The following SMPDL3B variants were observed in gnomAD, a reference collection of about 807,000 sequenced individuals.
The protein encoded by SMPDL3B is sphingomyelin phosphodiesterase acid like 3B.
In SMPDL3B, 31 loss-of-function variants were observed where a neutral mutation model predicts 37.9. The observed-to-expected ratio is 0.82, with a 90% confidence interval of 0.61 to 1.10. The LOEUF is 1.10. Ranked by LOEUF, SMPDL3B falls within the 50% of genes least tolerant of loss-of-function variation. SMPDL3B has a pLI of 0.00. For synonymous variants in SMPDL3B, 235 were observed against 242.6 expected, an observed-to-expected ratio of 0.97 and a Z score of 0.29; for missense variants, 525 against 597.8, an observed-to-expected ratio of 0.88 and a Z score of 1.27.
chr1:27,949,816 GC>G (rs1354605181), intron 3 of SMPDL3B, among the ~76,000 whole-genome samples: 3 of 151,712 alleles, frequency 2.0e-5, no homozygotes, highest in Admixed American at 1.3e-4. Context: ...GCAGCCCATA[GC>G]CCCCACCCCC....
intron 3 of SMPDL3B, among the ~76,000 whole-genome samples, chr1:27,950,769 C>T (rs1180898784): frequency 6.6e-6 from 1 of 152,144 alleles, no homozygotes; most frequent in Non-Finnish European, 1.5e-5. Context: ...TAGCTGGACT[C>T]TAGGCATCCA....
intron 1 of SMPDL3B, among the ~76,000 whole-genome samples, chr1:27,935,799 C>T (rs1242599755): frequency 6.6e-6 from 1 of 152,166 alleles, no homozygotes; most frequent in Admixed American, 6.5e-5. Context: ...AGGTGACACT[C>T]AAGTGGAGCC....
chr1:27,944,059 GT>G (rs1218856046), intron 1 of SMPDL3B, among the ~76,000 whole-genome samples: 1 of 151,152 alleles, frequency 6.6e-6, no homozygotes, highest in Non-Finnish European at 1.5e-5. Flanking sequence ...GCCGTGTTGG[GT>G]TCGCATGAGA....
intron 7 of SMPDL3B, among the ~76,000 whole-genome samples, chr1:27,956,807 G>C (rs1638297540): frequency 6.6e-6 from 1 of 152,174 alleles, no homozygotes; most frequent in Non-Finnish European, 1.5e-5. Flanking sequence ...AATCAAAACA[G>C]TGAGGCGACA....
intron 3 of SMPDL3B, among the ~76,000 whole-genome samples, chr1:27,952,976 A>C (rs1311711141): frequency 6.6e-6 from 1 of 152,200 alleles, no homozygotes; most frequent in Non-Finnish European, 1.5e-5. Context: ...TCTAACTAGG[A>C]AACTTTCTGC....
intron 4 of SMPDL3B, 82 bp downstream of exon 4, chr1:27,953,440 T>A (rs2090471765): frequency 8.1e-7 from 1 of 1,241,322 alleles, no homozygotes; most frequent in East Asian, 2.4e-5. Flanking sequence ...CCTCTTAGAA[T>A]AAGTACTGAT....
intron 1 of SMPDL3B, among the ~76,000 whole-genome samples, chr1:27,938,664 C>T (rs958245658): frequency 2.0e-5 from 3 of 152,184 alleles, no homozygotes; most frequent in Non-Finnish European, 2.9e-5. Flanking sequence ...TATGATGGGG[C>T]GAAAGCCTTA....
intron 1 of SMPDL3B, among the ~76,000 whole-genome samples, chr1:27,944,102 T>G (rs1468460019): frequency 6.6e-6 from 1 of 151,988 alleles, no homozygotes; most frequent in Admixed American, 6.6e-5. Context: ...TTCTTTGGAT[T>G]CCTTTCTCTT....
intron 1 of SMPDL3B, among the ~76,000 whole-genome samples, chr1:27,937,074 G>A (rs2090316196): frequency 6.6e-6 from 1 of 152,190 alleles, no homozygotes; most frequent in South Asian, 2.1e-4. Flanking sequence ...CGCAGCACCT[G>A]TAAGGTTTTT....
chr1:27,949,131 C>T lies in SMPDL3B; in HGVS notation c.342C>T (p.Arg114=). The change falls in exon 3 of 8, where the codon CGC becomes CGT. Residue 114 remains arginine, a synonymous_variant. Transcript: ENST00000373894. The stretch of plus-strand genomic sequence containing the variant: ...CAGCTGTACTGGAAATTGTGGAACG[C>T]CTGACCAAGCTCATCAGAGAGGTCT... ...GEAAVLEIVE[R]LTKLIREVFP... 1 of 1,614,228 alleles carries T rather than the reference C, an allele frequency of 6.2e-7. No homozygotes were observed. Among genetic ancestry groups the T allele is most frequent in the Non-Finnish European group, 8.5e-7 (1 of 1,180,032 alleles).
Position 27,949,135 on chromosome 1 carries a change from A to C in SMPDL3B, c.346A>C (p.Thr116Pro). ...AAVLEIVERL[T>P]KLIREVFPDT... Reference sequence around the variant, plus strand: ...TGTACTGGAAATTGTGGAACGCCTGACCAAGCTCATCAGAGAGGTCTTTCC... The same window carrying C: ...TGTACTGGAAATTGTGGAACGCCTGCCCAAGCTCATCAGAGAGGTCTTTCC... Residue 116 changes from threonine (T) to proline (P), a missense_variant, in exon 3 of 8, where the codon ACC becomes CCC. Thr to Pro is a conservative substitution (Grantham distance 38). Transcript: ENST00000373894. 1.2e-6 allele frequency: 2 copies of C among 1,614,226 alleles called. No individual in the cohort carries two copies. The highest frequency in any genetic ancestry group is 1.7e-6 in the Non-Finnish European group (2 of 1,180,024).
Position 27,955,498 on chromosome 1 carries a change from G to A in SMPDL3B, c.691-186G>A, listed in dbSNP as rs373883287. On this transcript the variant is annotated intron_variant, in intron 5 of 7. Coordinates refer to ENST00000373894, the MANE Select transcript of SMPDL3B (RefSeq NM_014474.4). Reference sequence around the variant, plus strand: ...CAGGTGGCAGGCACAGAGGTGGGAAGGTATGTGGTGCATTCATTGCAGGGC... The same window carrying A: ...CAGGTGGCAGGCACAGAGGTGGGAAAGTATGTGGTGCATTCATTGCAGGGC... Among the ~76,000 whole-genome samples, 76 of 152,322 alleles carry A rather than the reference G, an allele frequency of 5.0e-4. 2 individuals carry two copies. The South Asian group carries it at 0.015, about 30-fold the overall frequency.
chr1:27,953,790 A>T (rs899003700), intron 4 of SMPDL3B, among the ~76,000 whole-genome samples: 2 of 152,198 alleles, frequency 1.3e-5, no homozygotes, highest in African/African-American at 2.4e-5. Context: ...TACCCTCAGG[A>T]ACACCCCCAG....
At chr1:27,947,925 A>G (rs1286268870) in intron 2 of SMPDL3B, among the ~76,000 whole-genome samples, 1 of 152,048 alleles carries the variant, frequency 6.6e-6, no homozygotes, top group African/African-American at 2.4e-5. Context: ...CTAACCTAGA[A>G]ATTAAAAATA....
chr1:27,956,583 G>T, intron 7 of SMPDL3B: 1 of 726,996 alleles, frequency 1.4e-6, no homozygotes, highest in Non-Finnish European at 1.7e-6. Flanking sequence ...CACCTCGTAG[G>T]ATGAGCTTGT....
chr1:27,941,166 T>C (rs758197300), intron 1 of SMPDL3B, among the ~76,000 whole-genome samples: 1 of 152,202 alleles, frequency 6.6e-6, no homozygotes, highest in South Asian at 2.1e-4. Context: ...CATATTCTTA[T>C]GGAAAGCATG....
chr1:27,957,995 G>A (rs1017812404), intron 7 of SMPDL3B, among the ~76,000 whole-genome samples: 7 of 152,300 alleles, frequency 4.6e-5, no homozygotes, highest in East Asian at 1.9e-4. Context: ...CCTGGAACCC[G>A]CTGGACTGAT....
rs536776373 is a variant in SMPDL3B, at chr1:27,958,192, T to A, written c.1006-284T>A. On this transcript the variant is annotated intron_variant, in intron 7 of 7. Coordinates refer to ENST00000373894, the MANE Select transcript of SMPDL3B (RefSeq NM_014474.4). The surrounding 1 kb of genome is among the most constrained non-coding windows in gnomAD (Gnocchi z 5.6). ...CTGGGGTAAACCTGGGGTCCAATCC[T>A]GCTACCACTGAATACCTGTATGAAT... is the stretch of plus-strand genomic sequence containing the variant. Among the ~76,000 whole-genome samples, 1 of 152,370 alleles carries A rather than the reference T, an allele frequency of 6.6e-6. No homozygotes were observed. The highest frequency in any genetic ancestry group is 2.4e-5 in the African/African-American group (1 of 41,582).
In SMPDL3B at chr1:27,953,289, A is replaced by G. The variant is rs1184783051; in HGVS notation, c.448A>G (p.Ile150Val). 4.3e-6 allele frequency: 7 copies of G among 1,613,652 alleles called. No homozygotes were observed. Among genetic ancestry groups the G allele is most frequent in the Admixed American group, 1.7e-5 (1 of 59,998 alleles). The change falls in exon 4 of 8, where the codon ATC becomes GTC. Residue 150 changes from isoleucine to valine, a missense_variant. Ile to Val is a conservative substitution (Grantham distance 29). Coordinates refer to ENST00000373894, the MANE Select transcript of SMPDL3B (RefSeq NM_014474.4). The part of the protein sequence containing the change: ...KNQFPAGSNN[I>V]YNQIAELWKP... ...CCAGTTCCCAGCTGGAAGTAACAAC[A>G]TCTACAATCAGATAGCAGAACTATG...
Sources: gnomAD v4.1 joint callset for allele counts (sites outside exome capture counted in the v4.1 genomes callset) on GRCh38, gnomAD v4.1.1 for gene constraint, Gnocchi (gnomAD v3.1) non-coding constraint, MANE v1.5 for transcripts, NCBI Gene and HGNC (gene_info 2026-07-23, HGNC 2026-07-21) for gene names.